SYT3: variants seen among roughly 807,000 people sequenced by gnomAD.
SYT3 encodes synaptotagmin-3.
In SYT3, 25 loss-of-function variants were observed where a neutral mutation model predicts 50.6. The observed-to-expected ratio is 0.49, with a 90% CI of 0.36 to 0.69. SYT3 has a LOEUF of 0.69. SYT3 is among the 30% of genes least tolerant of loss of function. The pLI is 0.00. For missense variants in SYT3, 589 were observed against 793.6 expected, an observed-to-expected ratio of 0.74 and a Z score of 3.10; for synonymous variants, 323 against 353.9, an observed-to-expected ratio of 0.91 and a Z score of 0.98.
chr19:50,638,682 C>T (rs1357457516), intron 2 of SYT3, among the ~76,000 whole-genome samples: 1 of 151,944 alleles, frequency 6.6e-6, no homozygotes, highest in East Asian at 1.9e-4. Flanking sequence ...GCAGAAATAT[C>T]TTTGAAAGAG....
At chr19:50,623,433 T>G (rs1300649146) in intron 9 of SYT3, among the ~76,000 whole-genome samples, 1 of 152,004 alleles carries the variant, frequency 6.6e-6, no homozygotes, top group Non-Finnish European at 1.5e-5. Context: ...TTTCACCCAG[T>G]ACTAAATGTA....
Position 50,625,599 on chromosome 19 carries a change from A to C in SYT3, c.1403-35T>G, listed in dbSNP as rs10426057. On this transcript the variant is annotated intron_variant, in intron 7 of 10. Coordinates refer to ENST00000600079, the MANE Select transcript of SYT3 (RefSeq NM_001160329.2). This position sits in a 1 kb window ranked among gnomAD's most constrained non-coding sequence, Gnocchi z 7.5. ...GCAATGAAGTAAGGAACAGAGACTC[A>C]CTCCCTCAGACCTAGGGGTCCAGGA... 1,251,822 of 1,530,288 alleles carry C rather than the reference A, an allele frequency of 0.82. 520,216 individuals carry two copies. Among genetic ancestry groups the C allele is most frequent in the African/African-American group, 0.88 (63,440 of 71,970 alleles). The allele number at this position is 1,530,288 out of a possible 1,614,324, so 94.8% of individuals were successfully genotyped here.
intron 3 of SYT3, among the ~76,000 whole-genome samples, chr19:50,634,337 A>G (rs1361535457): frequency 1.3e-5 from 2 of 152,228 alleles, no homozygotes; most frequent in African/African-American, 4.8e-5. Flanking sequence ...GGCTGTGTCC[A>G]GTTATATTAG....
chr19:50,626,233 G>A (rs1020903817), intron 6 of SYT3: 8 of 595,980 alleles, frequency 1.3e-5, no homozygotes, highest in Non-Finnish European at 2.2e-5. Flanking sequence ...AGGAAAGATT[G>A]GAAGAAGCAT....
At chr19:50,629,736 C>A in intron 5 of SYT3, 48 bp downstream of exon 5, 1 of 1,470,430 alleles carries the variant, frequency 6.8e-7, no homozygotes, top group Admixed American at 2.0e-5. Context: ...GTCCAGAGCC[C>A]TAGCTCCCTC....
upstream of SYT3, among the ~76,000 whole-genome samples, chr19:50,640,242 A>G (rs2123027654): frequency 6.6e-6 from 1 of 152,332 alleles, no homozygotes; most frequent in South Asian, 2.1e-4. Flanking sequence ...CAGCCAGGAT[A>G]GAGGTACTAG....
At chr19:50,649,328 C>T in the SYT3 span, 135 of 981,338 alleles carry the variant, frequency 1.4e-4, no homozygotes, top group East Asian at 2.7e-3. Context: ...AATTCTACCC[C>T]GGGGCTTCAA....
rs1012524892 is a variant in SYT3 at position 50,639,538 on chromosome 19, G to A, written c.-154+252C>T. Among the ~76,000 whole-genome samples, 23 of 151,980 alleles carry A rather than the reference G, an allele frequency of 1.5e-4. No homozygotes were observed. Among genetic ancestry groups the A allele is most frequent in the Non-Finnish European group, 2.8e-4 (19 of 67,950 alleles). On this transcript the variant is annotated intron_variant, in intron 1 of 10. Coordinates refer to ENST00000600079, the MANE Select transcript of SYT3 (RefSeq NM_001160329.2). The surrounding 1 kb of genome is among the most constrained non-coding windows in gnomAD (Gnocchi z 4.6). ...GGAGCCCTAAGTCCTTAGGGGCCACGGAATGAGGAAACGATCCCCCCGCGC... is the reference window on the plus strand; with the variant it reads ...GGAGCCCTAAGTCCTTAGGGGCCACAGAATGAGGAAACGATCCCCCCGCGC...
chr19:50,651,709 A>G, the SYT3 span, among the ~76,000 whole-genome samples: 36 of 143,708 alleles, frequency 2.5e-4, no homozygotes, highest in African/African-American at 8.2e-4. Context: ...TCACCAAAGG[A>G]AAAAAAAAAA....
chr19:50,625,027 AG>A lies in SYT3; in HGVS notation c.1707+134del. On this transcript the variant is annotated intron_variant, in intron 9 of 10. Transcript: ENST00000600079. The surrounding 1 kb of genome is among the most constrained non-coding windows in gnomAD (Gnocchi z 7.5). ...AACTGGCTCTAAGCCGCACAGCTAA[AG>A]TTGGCACAGCAGGGATTGAAACCTA... The A allele has an allele frequency of 1.0e-6, 1 of 989,014 alleles. No individual in the cohort carries two copies. The allele number at this position is 989,014 out of a possible 1,614,324, so 61.3% of individuals were successfully genotyped here.
the SYT3 span, among the ~76,000 whole-genome samples, chr19:50,654,677 T>A: frequency 6.8e-6 from 1 of 147,930 alleles, no homozygotes; most frequent in Non-Finnish European, 1.5e-5. Flanking sequence ...TCACCCAGGC[T>A]GAAGTGCATT....
the SYT3 span, among the ~76,000 whole-genome samples, chr19:50,651,243 T>C: frequency 6.6e-6 from 1 of 152,238 alleles, no homozygotes; most frequent in African/African-American, 2.4e-5. Context: ...AAGGGAATTC[T>C]GGGAAGTTCT....
chr19:50,637,632 G>A lies in SYT3; in HGVS notation c.-15-206C>T, dbSNP rs550819352. 9.7e-6 allele frequency: 5 copies of A among 513,126 alleles called. No homozygotes were observed. The East Asian group carries it at 1.5e-4, about 16-fold the overall frequency. 31.8% of individuals were successfully genotyped at this position (513,126 alleles called of 1,614,324 possible). On this transcript the variant is annotated intron_variant, in intron 2 of 10. Coordinates refer to ENST00000600079, the MANE Select transcript of SYT3 (RefSeq NM_001160329.2). The surrounding 1 kb of genome is among the most constrained non-coding windows in gnomAD (Gnocchi z 4.9). ...GGTATTAGGGATGGACAAGGAAAAG[G>A]AATTAGGAGTAGACAGACAAGAGGG...
At chr19:50,627,288 C>A (rs952227470) in intron 6 of SYT3, among the ~76,000 whole-genome samples, 1 of 152,202 alleles carries the variant, frequency 6.6e-6, no homozygotes, top group African/African-American at 2.4e-5. Flanking sequence ...CTCCCAGATC[C>A]CCCACAGCCC....
In SYT3 at chr19:50,625,676, GC is replaced by G; in HGVS notation, c.1403-113del. The G allele has an allele frequency of 2.8e-6, 4 of 1,415,772 alleles. No individual in the cohort carries two copies. Among genetic ancestry groups the G allele is most frequent in the African/African-American group, 1.5e-5 (1 of 67,326 alleles). The allele number at this position is 1,415,772 out of a possible 1,614,324, so 87.7% of individuals were successfully genotyped here. A position where few individuals can be genotyped will look rare whatever the true frequency, so the allele number is the denominator to read the frequency against. Reference sequence around the variant, plus strand: ...CAGACCCAGAGGTCCGGGGCCCCAGGCCCCCAGTCCCTCCTTCCTCAGGCCC... The same window carrying G: ...CAGACCCAGAGGTCCGGGGCCCCAGGCCCCAGTCCCTCCTTCCTCAGGCCC... On this transcript the variant is annotated intron_variant, in intron 7 of 10. Transcript: ENST00000600079. This position sits in a 1 kb window ranked among gnomAD's most constrained non-coding sequence, Gnocchi z 7.5.
chr19:50,625,771 G>T lies in SYT3; in HGVS notation c.1402+126C>A. The T allele has an allele frequency of 5.8e-6, 4 of 684,604 alleles. 1 individual carries two copies. The highest frequency in any genetic ancestry group is 1.7e-5 in the South Asian group (1 of 57,844). The allele number at this position is 684,604 out of a possible 1,614,324, so 42.4% of individuals were successfully genotyped here. A position where few individuals can be genotyped will look rare whatever the true frequency, so the allele number is the denominator to read the frequency against. On this transcript the variant is annotated intron_variant, in intron 7 of 10. Transcript: ENST00000600079. The surrounding 1 kb of genome is among the most constrained non-coding windows in gnomAD (Gnocchi z 7.5). ...CAGGCCCCTGGCCCCTCCTCCCTCAGACCCAGGAGTCCAGATCCCCAGCTC... is the reference window on the plus strand; with the variant it reads ...CAGGCCCCTGGCCCCTCCTCCCTCATACCCAGGAGTCCAGATCCCCAGCTC...
At chr19:50,633,595 T>C (rs1384698069) in intron 3 of SYT3, among the ~76,000 whole-genome samples, 1 of 152,232 alleles carries the variant, frequency 6.6e-6, no homozygotes, top group Non-Finnish European at 1.5e-5. Context: ...TTGACCACTC[T>C]GAACCTTACA....
chr19:50,627,152 G>A (rs1338661549), intron 6 of SYT3, among the ~76,000 whole-genome samples: 2 of 152,120 alleles, frequency 1.3e-5, no homozygotes, highest in East Asian at 1.9e-4. Flanking sequence ...CTAGCCCTGC[G>A]GCCTCCCAAC....
the SYT3 span, among the ~76,000 whole-genome samples, chr19:50,651,476 C>T: frequency 6.6e-6 from 1 of 152,142 alleles, no homozygotes; most frequent in Non-Finnish European, 1.5e-5. Flanking sequence ...ACACATTGCC[C>T]TTTATCTGAG....
Sources: allele counts gnomAD v4.1 joint callset (sites outside exome capture counted in the v4.1 genomes callset), GRCh38; gene constraint gnomAD v4.1.1; non-coding constraint Gnocchi (gnomAD v3.1); transcripts MANE v1.5; gene names NCBI Gene and HGNC (gene_info 2026-07-23, HGNC 2026-07-21).